PLCB1: variants seen among roughly 807,000 people sequenced by gnomAD.
The protein encoded by PLCB1 is 1-phosphatidylinositol 4,5-bisphosphate phosphodiesterase beta-1.
A neutral mutation model predicts 161.8 loss-of-function variants in PLCB1; 46 were observed. The ratio of observed to expected loss-of-function variants is 0.28; its 90% CI spans 0.22 to 0.36. The LOEUF (loss-of-function observed/expected upper bound fraction) is 0.36, where lower values mean the gene tolerates loss of function less well. PLCB1 is among the 10% of genes least tolerant of loss of function. PLCB1 has a pLI of 1.00. For missense variants in PLCB1, 1,016 were observed against 1,472.5 expected (o/e 0.69, Z 5.07); for synonymous variants, 517 against 503.7 (o/e 1.03, Z -0.35).
chr20:8,138,191 G>A (rs1401233982), intron 1 of PLCB1, among the ~76,000 whole-genome samples: 1 of 152,224 alleles, frequency 6.6e-6, no homozygotes, highest in African/African-American at 2.4e-5. Flanking sequence ...CACCTATGGT[G>A]AATGAGGATA....
intron 2 of PLCB1, among the ~76,000 whole-genome samples, chr20:8,290,759 G>A (rs751582899): frequency 1.3e-4 from 20 of 152,048 alleles, no homozygotes; most frequent in Non-Finnish European, 5.9e-5. Flanking sequence ...GTTCCCAGCC[G>A]CTTGCCCCTG....
chr20:8,485,792 C>A (rs564362408), intron 3 of PLCB1, among the ~76,000 whole-genome samples: 3 of 152,328 alleles, frequency 2.0e-5, no homozygotes, highest in Admixed American at 6.5e-5. Flanking sequence ...CATTAAAAAT[C>A]TACATGCTTG....
At chr20:8,732,253 C>G (rs1980291633) in intron 18 of PLCB1, 1 of 152,012 alleles carries the variant, frequency 6.6e-6, no homozygotes, top group South Asian at 2.1e-4. Context: ...ATAGAATCCT[C>G]TTTTAATGAG....
At chr20:8,344,798 G>C (rs1283612045) in intron 2 of PLCB1, among the ~76,000 whole-genome samples, 6 of 152,168 alleles carry the variant, frequency 3.9e-5, no homozygotes, top group African/African-American at 1.4e-4. Context: ...GCTTTTGTCT[G>C]GTTTTCAAAG....
chr20:8,538,865 C>T (rs1236676871), intron 3 of PLCB1, among the ~76,000 whole-genome samples: 1 of 150,464 alleles, frequency 6.6e-6, no homozygotes, highest in Non-Finnish European at 1.5e-5. Context: ...GCCATCTCTG[C>T]TCACTGCAAC....
At chr20:8,834,801 T>A (rs1986199928) in intron 31 of PLCB1, among the ~76,000 whole-genome samples, 1 of 99,082 alleles carries the variant, frequency 1.0e-5, no homozygotes, top group African/African-American at 4.0e-5. Context: ...GGCGATAGAC[T>A]CTGCCTCAGA....
At chr20:8,712,933 A>G (rs1033628131) in intron 12 of PLCB1, among the ~76,000 whole-genome samples, 18 of 151,778 alleles carry the variant, frequency 1.2e-4, no homozygotes, top group African/African-American at 3.6e-4. Context: ...ACACTTCAGG[A>G]TTTTGTTTTT....
At chr20:8,517,922 A>AAT (rs1984201550) in intron 3 of PLCB1, among the ~76,000 whole-genome samples, 1 of 152,144 alleles carries the variant, frequency 6.6e-6, no homozygotes, top group Non-Finnish European at 1.5e-5. Context: ...GGTGGCTCAC[A>AAT]CCTGTAATCC....
At chr20:8,656,802 A>C (rs1799753682) in intron 7 of PLCB1, among the ~76,000 whole-genome samples, 2 of 151,826 alleles carry the variant, frequency 1.3e-5, no homozygotes, top group Admixed American at 6.6e-5. Context: ...AAAAAAAAAA[A>C]ACCTAAAAAT....
chr20:8,399,180 T>C (rs1978435645), intron 3 of PLCB1, among the ~76,000 whole-genome samples: 1 of 151,946 alleles, frequency 6.6e-6, no homozygotes. Context: ...ATGAACCCAA[T>C]TTTATTTTTC....
intron 2 of PLCB1, among the ~76,000 whole-genome samples, chr20:8,311,909 T>C (rs557329871): frequency 2.0e-5 from 3 of 152,172 alleles, no homozygotes; most frequent in African/African-American, 4.8e-5. Context: ...CCTTGCATAA[T>C]GTCTACACAG....
At chr20:8,301,476 G>A (rs1012335726) in intron 2 of PLCB1, among the ~76,000 whole-genome samples, 1 of 152,064 alleles carries the variant, frequency 6.6e-6, no homozygotes, top group African/African-American at 2.4e-5. Context: ...GAATCAAGGG[G>A]ATTATAAATC....
chr20:8,371,682 G>GAA (rs1169854566), intron 3 of PLCB1: 3 of 359,014 alleles, frequency 8.4e-6, no homozygotes, highest in East Asian at 8.4e-5. Flanking sequence ...GCCTTTGTTT[G>GAA]AAAAAAAAAG....
At chr20:8,317,943 G>A (rs567706209) in intron 2 of PLCB1, among the ~76,000 whole-genome samples, 108 of 150,310 alleles carry the variant, frequency 7.2e-4, no homozygotes, top group African/African-American at 2.6e-3. Context: ...GGGCACTACT[G>A]GCAACATTTA....
chr20:8,398,771 T>G (rs1008879794), intron 3 of PLCB1, among the ~76,000 whole-genome samples: 4 of 152,258 alleles, frequency 2.6e-5, no homozygotes, highest in Non-Finnish European at 4.4e-5. Context: ...TTGCACTTTT[T>G]TTTTTTCATC....
rs138158642 is a variant in PLCB1 at position 8,872,961 on chromosome 20, T to C, written c.3424-8661T>C. On this transcript the variant is annotated intron_variant, in intron 31 of 31. Coordinates refer to ENST00000338037, the MANE Select transcript of PLCB1 (RefSeq NM_015192.4). ...TTATTTCTGCGACTTAAGGATTTCT[T>C]TTCCTTATATTCAAACTCAGCTGTA... Among the ~76,000 whole-genome samples the C allele has an allele frequency of 8.5e-3, 1,292 of 152,332 alleles. 5 individuals carry two copies. The highest frequency in any genetic ancestry group is 0.013 in the Non-Finnish European group (915 of 68,018).
At chr20:8,716,130 G>A in intron 12 of PLCB1, 134 bp from the exon 13 acceptor site, 1 of 658,756 alleles carries the variant, frequency 1.5e-6, no homozygotes, top group Non-Finnish European at 2.7e-6. Context: ...AAAGATCCAG[G>A]ATGATAAAAA....
At chr20:8,778,326 T>A (rs1363991654) in intron 27 of PLCB1, among the ~76,000 whole-genome samples, 2 of 152,038 alleles carry the variant, frequency 1.3e-5, no homozygotes, top group Non-Finnish European at 1.5e-5. Context: ...AAGAAAGTCA[T>A]GCAAAACCTA....
At chr20:8,133,036 T>G (rs1032147055) in intron 1 of PLCB1, among the ~76,000 whole-genome samples, 13 of 152,052 alleles carry the variant, frequency 8.5e-5, no homozygotes, top group Non-Finnish European at 1.6e-4. Flanking sequence ...GGGGCAAGCT[T>G]TGCCTGGTGA....
Sources: allele counts gnomAD v4.1 joint callset (sites outside exome capture counted in the v4.1 genomes callset), GRCh38; gene constraint gnomAD v4.1.1; transcripts MANE v1.5; gene names NCBI Gene and HGNC (gene_info 2026-07-23, HGNC 2026-07-21).